Variants in ENKUR observed in about 807,000 individuals in gnomAD.
The protein encoded by ENKUR is enkurin, TRPC channel interacting protein.
Under a neutral mutation model 27.6 loss-of-function variants are expected in ENKUR, and 19 were observed. That is an observed-to-expected ratio of 0.69 (90% CI 0.48 to 1.01). ENKUR has a LOEUF of 1.01. ENKUR is among the 50% of genes least tolerant of loss of function. The pLI is 0.00. For synonymous variants in ENKUR, 117 were observed against 96.9 expected, an observed-to-expected ratio of 1.21 and a Z score of -1.22; for missense variants, 312 against 310.5, an observed-to-expected ratio of 1.00 and a Z score of -0.04.
At chr10:25,031,508 T>C (rs1850935137) in intron 2 of ENKUR, among the ~76,000 whole-genome samples, 1 of 152,202 alleles carries the variant, frequency 6.6e-6, no homozygotes, top group African/African-American at 2.4e-5. Flanking sequence ...CCACAGAACA[T>C]TGAGAAATAA....
rs551085675 is a variant in ENKUR at position 25,005,191 on chromosome 10, G to A, written c.78-5645C>T. ...GTAGTATAGTTTGAAGTCAGGCAGTGTCATGGATAATTGGCTCTATTTTCT... is the reference window on the plus strand; with the variant it reads ...GTAGTATAGTTTGAAGTCAGGCAGTATCATGGATAATTGGCTCTATTTTCT... On this transcript the variant is annotated intron_variant, in intron 1 of 5. Coordinates refer to ENST00000331161, the MANE Select transcript of ENKUR (RefSeq NM_145010.4). 2.6e-5 allele frequency among the ~76,000 whole-genome samples: 4 copies of A among 152,230 alleles called. No individual in the cohort carries two copies. The South Asian group carries it at 8.3e-4, about 32-fold the overall frequency.
intron 3 of ENKUR, among the ~76,000 whole-genome samples, chr10:24,992,671 C>T (rs7073171): frequency 0.053 from 8,121 of 152,200 alleles, 598 homozygotes; most frequent in African/African-American, 0.16. Flanking sequence ...TCAAAGGGCA[C>T]GTGGCAAAAG....
chr10:25,027,360 A>G (rs1413269902), intron 2 of ENKUR, among the ~76,000 whole-genome samples: 4 of 101,392 alleles, frequency 3.9e-5, no homozygotes, highest in Non-Finnish European at 7.4e-5. Context: ...CCCGTCTCAA[A>G]AAAAAAAAAA....
chr10:25,015,918 A>G lies in ENKUR; in HGVS notation c.19T>C (p.Ser7Pro). Residue 7 changes from serine (S) to proline (P), a missense_variant, in exon 1 of 6, where the codon TCT becomes CCT. Coordinates refer to ENST00000331161, the MANE Select transcript of ENKUR (RefSeq NM_145010.4). The stretch of plus-strand genomic sequence containing the variant: ...GGTATGAGGTTATAAATGCACTCAG[A>G]AGAGCACGTTGGATCCATGGCCACC... MDPTCS[S>P]ECIYNLIPSD... 6.2e-7 allele frequency: 1 copy of G among 1,608,448 alleles called. No homozygotes were observed.
intron 4 of ENKUR, among the ~76,000 whole-genome samples, chr10:24,987,885 AT>A (rs1399709368): frequency 6.6e-6 from 1 of 152,116 alleles, no homozygotes; most frequent in Non-Finnish European, 1.5e-5. Flanking sequence ...AACACACTAG[AT>A]ATTCAATAAA....
In ENKUR at chr10:25,025,379, A is replaced by C. The variant is rs760597981; in HGVS notation, c.38-29510T>G. 3 of 1,614,244 alleles carry C rather than the reference A, an allele frequency of 1.9e-6. No individual in the cohort carries two copies. The Admixed American group carries it at 5.0e-5, about 27-fold the overall frequency. On this transcript the variant is annotated intron_variant, in intron 2 of 5. Coordinates refer to the ENKUR transcript ENST00000615958. ...AGAACAAAACAGCAAGAGAAGATGG[A>C]GTACCAGGTCTGTGCAGCTGATATG...
intron 2 of ENKUR, chr10:25,026,054 T>C (rs1440726221): frequency 6.5e-6 from 1 of 153,586 alleles, no homozygotes; most frequent in Non-Finnish European, 1.5e-5. Flanking sequence ...AATTTTTTTA[T>C]TTTTAATAGA....
chr10:25,046,804 G>T (rs1260949552), intron 2 of ENKUR, among the ~76,000 whole-genome samples: 1 of 151,972 alleles, frequency 6.6e-6, no homozygotes, highest in African/African-American at 2.4e-5. Context: ...CTCTGCTGTT[G>T]TATCCCAGCC....
At chr10:25,052,652 G>T (rs555055265) in intron 2 of ENKUR, among the ~76,000 whole-genome samples, 53 of 152,184 alleles carry the variant, frequency 3.5e-4, no homozygotes, top group Middle Eastern at 3.4e-3. Flanking sequence ...AGAACCTGTA[G>T]TCTCAGCTAC....
chr10:25,020,194 T>C (rs1850688793), upstream of ENKUR, among the ~76,000 whole-genome samples: 1 of 151,712 alleles, frequency 6.6e-6, no homozygotes, highest in Non-Finnish European at 1.5e-5. Context: ...GGAAATAATA[T>C]TGATACAGAA....
intron 2 of ENKUR, among the ~76,000 whole-genome samples, chr10:25,044,345 A>T (rs945648616): frequency 1.3e-5 from 2 of 152,118 alleles, no homozygotes; most frequent in Admixed American, 1.3e-4. Flanking sequence ...TAGAACTGGG[A>T]TGTAGATTTT....
intron 2 of ENKUR, among the ~76,000 whole-genome samples, chr10:24,996,749 G>A (rs1850069176): frequency 6.6e-6 from 1 of 152,028 alleles, no homozygotes; most frequent in Non-Finnish European, 1.5e-5. Flanking sequence ...TTTATTATCA[G>A]CAAAGCCAAT....
intron 1 of ENKUR, among the ~76,000 whole-genome samples, chr10:25,000,371 C>A (rs1354761460): frequency 1.3e-5 from 2 of 152,048 alleles, no homozygotes; most frequent in Non-Finnish European, 2.9e-5. Context: ...CTGTATCCTT[C>A]CTGATTTTGT....
chr10:25,019,795 A>C (rs567553379), upstream of ENKUR, among the ~76,000 whole-genome samples: 2 of 152,342 alleles, frequency 1.3e-5, no homozygotes, highest in South Asian at 4.1e-4. Context: ...AAAGCCTTGG[A>C]GTGCACTACC....
At chr10:25,006,634 C>T (rs953424145) in intron 1 of ENKUR, among the ~76,000 whole-genome samples, 1 of 151,914 alleles carries the variant, frequency 6.6e-6, no homozygotes, top group African/African-American at 2.4e-5. Context: ...CTTTGATAGC[C>T]TCATCAAAAA....
Position 25,024,696 on chromosome 10 carries a change from T to C in ENKUR, c.38-28827A>G, listed in dbSNP as rs546104085. 527 of 1,614,272 alleles carry C rather than the reference T, an allele frequency of 3.3e-4. 4 individuals are homozygous for C. The South Asian group carries it at 5.5e-3, about 17-fold the overall frequency. On this transcript the variant is annotated intron_variant, in intron 2 of 5. Coordinates refer to the ENKUR transcript ENST00000615958. The stretch of plus-strand genomic sequence containing the variant: ...ATGCTTCCGCATATCTTGATCTTGT[T>C]AGTCAAGGATTTATTTCTTTTGGAA...
chr10:25,017,062 C>G (rs7082131), upstream of ENKUR, among the ~76,000 whole-genome samples: 68,691 of 152,046 alleles, frequency 0.45, 16,725 homozygotes, highest in African/African-American at 0.65. Flanking sequence ...GGCGGTCCTC[C>G]GGGTCGGCTC....
Position 24,984,920 on chromosome 10 carries a change from G to C in ENKUR, c.595-15C>G. 1 of 1,604,454 alleles carries C rather than the reference G, an allele frequency of 6.2e-7. No individual in the cohort carries two copies. Among genetic ancestry groups the C allele is most frequent in the African/African-American group, 1.3e-5 (1 of 74,512 alleles). On this transcript the variant is annotated splice_polypyrimidine_tract_variant and intron_variant, in intron 4 of 5. Coordinates refer to ENST00000331161, the MANE Select transcript of ENKUR (RefSeq NM_145010.4). ...TTTTTCAGCCCCTGCAAATGGTCAA[G>C]AAACTTGTAAATACCAAAGCAAACT... is the stretch of plus-strand genomic sequence containing the variant.
chr10:24,987,007 G>A (rs945405668), intron 4 of ENKUR, among the ~76,000 whole-genome samples: 2 of 152,014 alleles, frequency 1.3e-5, no homozygotes, highest in African/African-American at 4.8e-5. Context: ...TTGCACCCTC[G>A]CCCACCCCCA....
Sources: gnomAD v4.1 joint callset for allele counts (sites outside exome capture counted in the v4.1 genomes callset) on GRCh38, gnomAD v4.1.1 for gene constraint, MANE v1.5 for transcripts, NCBI Gene and HGNC (gene_info 2026-07-23, HGNC 2026-07-21) for gene names.